Variants in SPOCK3 observed in about 807,000 individuals in gnomAD.
The protein encoded by SPOCK3 is SPARC (osteonectin), cwcv and kazal like domains proteoglycan 3, also known as testican-3.
In SPOCK3, 30 loss-of-function variants were observed where a neutral mutation model predicts 56.6. That is an observed-to-expected ratio of 0.53 (90% CI 0.40 to 0.72). SPOCK3 has a LOEUF of 0.72. Among genes scored for constraint, SPOCK3 ranks in the 30% least tolerant of loss-of-function variants. The pLI is 0.00. For missense variants in SPOCK3, 527 were observed against 530.0 expected (o/e 0.99, Z 0.06); for synonymous variants, 196 against 183.3 (o/e 1.07, Z -0.56).
chr4:167,175,570 G>C (rs1444463185), intron 2 of SPOCK3, among the ~76,000 whole-genome samples: 1 of 152,112 alleles, frequency 6.6e-6, no homozygotes, highest in Non-Finnish European at 1.5e-5. Flanking sequence ...GAATTCATTA[G>C]AGTGGGCCTA....
At position 167,203,613 on chromosome 4, in the gene SPOCK3, A is replaced by G. The variant is rs1733735454; in HGVS notation, c.189+30372T>C. On this transcript the variant is annotated intron_variant, in intron 2 of 10. Coordinates refer to ENST00000357545, the MANE Select transcript of SPOCK3 (RefSeq NM_001040159.2). Reference sequence around the variant, plus strand: ...AGCAATGAGGAACCGTCCTCCCTGCATTTGGATGTGGCTTTCTGGGAATGT... The same window carrying G: ...AGCAATGAGGAACCGTCCTCCCTGCGTTTGGATGTGGCTTTCTGGGAATGT... Among the ~76,000 whole-genome samples the G allele has an allele frequency of 2.0e-5, 3 of 151,936 alleles. No homozygotes were observed. The Admixed American group carries it at 2.0e-4, about 10-fold the overall frequency.
chr4:166,943,208 G>A (rs565107154), intron 4 of SPOCK3, among the ~76,000 whole-genome samples: 2 of 152,234 alleles, frequency 1.3e-5, no homozygotes, highest in African/African-American at 2.4e-5. Flanking sequence ...AATTGCTTCT[G>A]TAAAGTTTCT....
chr4:166,895,357 T>C (rs1735258691), intron 5 of SPOCK3, among the ~76,000 whole-genome samples: 1 of 152,062 alleles, frequency 6.6e-6, no homozygotes, highest in Admixed American at 6.6e-5. Context: ...GTCATGAGTA[T>C]AGCATTTCAG....
At chr4:166,949,613 C>A (rs187756920) in intron 4 of SPOCK3, among the ~76,000 whole-genome samples, 12 of 152,024 alleles carry the variant, frequency 7.9e-5, no homozygotes, top group Non-Finnish European at 2.9e-5. Context: ...CACTCCAGAC[C>A]CTGTTTGCCT....
intron 2 of SPOCK3, among the ~76,000 whole-genome samples, chr4:167,127,060 A>T (rs1478738018): frequency 2.0e-5 from 3 of 152,182 alleles, no homozygotes; most frequent in East Asian, 3.9e-4. Flanking sequence ...AATAGAATAG[A>T]CAATTGGGTG....
intron 2 of SPOCK3, among the ~76,000 whole-genome samples, chr4:167,080,236 T>C (rs1391355989): frequency 6.6e-6 from 1 of 152,066 alleles, no homozygotes; most frequent in Non-Finnish European, 1.5e-5. Context: ...GCCATCAGTA[T>C]TGTCTGACTT....
In SPOCK3 at chr4:166,734,398, A is replaced by C. The variant is rs1734014545; in HGVS notation, c.*523T>G. ...ATGTAAACACAATTGAGGACTCTAC[A>C]ATTGTCACTTTGTTTTTCTTGCCAT... On this transcript the variant is annotated 3_prime_UTR_variant, in exon 11 of 11. Coordinates refer to ENST00000357545, the MANE Select transcript of SPOCK3 (RefSeq NM_001040159.2). 6.6e-6 allele frequency: 1 copy of C among 152,092 alleles called. No homozygotes were observed. The highest frequency in any genetic ancestry group is 2.1e-4 in the South Asian group (1 of 4,828). 9.4% of individuals were successfully genotyped at this position (152,092 alleles called of 1,614,324 possible).
intron 4 of SPOCK3, among the ~76,000 whole-genome samples, chr4:166,947,598 A>G (rs1403426760): frequency 6.6e-6 from 1 of 152,190 alleles, no homozygotes; most frequent in Admixed American, 6.5e-5. Flanking sequence ...ATTTAAAAAA[A>G]AGAAAAACGT....
At chr4:166,833,320 C>T (rs1746278133) in intron 6 of SPOCK3, among the ~76,000 whole-genome samples, 1 of 151,964 alleles carries the variant, frequency 6.6e-6, no homozygotes, top group South Asian at 2.1e-4. Context: ...GTATTTTGCT[C>T]TTTGGGGTGA....
chr4:167,015,642 C>T (rs1750541394), intron 3 of SPOCK3, among the ~76,000 whole-genome samples: 2 of 152,064 alleles, frequency 1.3e-5, no homozygotes, highest in South Asian at 2.1e-4. Flanking sequence ...AATATCGCTG[C>T]TTACAAAAAA....
chr4:167,082,179 T>A (rs1580233642), intron 2 of SPOCK3, among the ~76,000 whole-genome samples: 1 of 152,256 alleles, frequency 6.6e-6, no homozygotes, highest in East Asian at 1.9e-4. Flanking sequence ...TAATTAGCAT[T>A]TGAAATCCCC....
At chr4:166,839,902 G>A (rs1192099126) in intron 6 of SPOCK3, among the ~76,000 whole-genome samples, 2 of 152,200 alleles carry the variant, frequency 1.3e-5, no homozygotes, top group Non-Finnish European at 2.9e-5. Flanking sequence ...GTTTTGTAAA[G>A]AGGGGCTAAT....
At chr4:166,853,863 C>A (rs1397677108) in intron 6 of SPOCK3, among the ~76,000 whole-genome samples, 1 of 151,356 alleles carries the variant, frequency 6.6e-6, no homozygotes, top group African/African-American at 2.4e-5. Context: ...CCCTGGGCGA[C>A]AGAGGAAGAC....
At chr4:167,021,202 T>C (rs1347806579) in intron 3 of SPOCK3, among the ~76,000 whole-genome samples, 2 of 152,088 alleles carry the variant, frequency 1.3e-5, no homozygotes, top group Admixed American at 6.6e-5. Context: ...ATATTTACTA[T>C]TTACTATAGC....
At chr4:166,774,329 C>T (rs1189646359) in intron 7 of SPOCK3, among the ~76,000 whole-genome samples, 3 of 152,134 alleles carry the variant, frequency 2.0e-5, no homozygotes, top group Non-Finnish European at 4.4e-5. Context: ...CTGTATGGGC[C>T]TATCAGGTTT....
chr4:166,765,809 C>T (rs1168894893), intron 7 of SPOCK3, among the ~76,000 whole-genome samples: 2 of 152,220 alleles, frequency 1.3e-5, no homozygotes, highest in Non-Finnish European at 2.9e-5. Context: ...TTGATTCTTC[C>T]TATCCATGAG....
intron 2 of SPOCK3, among the ~76,000 whole-genome samples, chr4:167,121,723 A>G (rs572998949): frequency 3.9e-5 from 6 of 152,180 alleles, no homozygotes; most frequent in Non-Finnish European, 8.8e-5. Context: ...CCTCACCCTT[A>G]GAGAACAACC....
rs532667976 is a variant in SPOCK3 at position 166,965,282 on chromosome 4, A to C, written c.350+35067T>G. Among the ~76,000 whole-genome samples the C allele has an allele frequency of 1.3e-4, 20 of 151,846 alleles. No homozygotes were observed. In the East Asian group the frequency reaches 3.9e-3, roughly 29 times the overall value. ...CACTCAGCCTTTTGCTGTTGTTTTC[A>C]TGGCTGTATTTATCTTTCTCTCTCT... On this transcript the variant is annotated intron_variant, in intron 4 of 10. Transcript: ENST00000357545.
chr4:167,105,769 A>AT (rs1195228110), intron 2 of SPOCK3, among the ~76,000 whole-genome samples: 3 of 151,970 alleles, frequency 2.0e-5, no homozygotes, highest in Admixed American at 1.3e-4. Context: ...GTAAAGACAC[A>AT]TATAGATTGA....
Sources: gnomAD v4.1 joint callset for allele counts (sites outside exome capture counted in the v4.1 genomes callset) on GRCh38, gnomAD v4.1.1 for gene constraint, MANE v1.5 for transcripts, NCBI Gene and HGNC (gene_info 2026-07-23, HGNC 2026-07-21) for gene names.